The following BCL2L13 variants were observed in gnomAD, a reference collection of about 807,000 sequenced individuals.
The protein encoded by BCL2L13 is BCL2 like 13, also known as bcl-2-like protein 13.
In BCL2L13, 13 loss-of-function variants were observed where a neutral mutation model predicts 25.8. The ratio of observed to expected loss-of-function variants is 0.50; its 90% CI spans 0.33 to 0.80. The LOEUF (loss-of-function observed/expected upper bound fraction) is 0.80, where lower values mean the gene tolerates loss of function less well. Among genes scored for constraint, BCL2L13 ranks in the 30% least tolerant of loss-of-function variants. The pLI is 0.02. For synonymous variants in BCL2L13, 244 were observed against 230.3 expected, an observed-to-expected ratio of 1.06 and a Z score of -0.54; for missense variants, 504 against 574.9, an observed-to-expected ratio of 0.88 and a Z score of 1.26.
At chr22:17,680,552 C>G (rs2059718823) in intron 2 of BCL2L13, among the ~76,000 whole-genome samples, 1 of 110,006 alleles carries the variant, frequency 9.1e-6, no homozygotes, top group Non-Finnish European at 1.8e-5. Flanking sequence ...GAAAAAAAGA[C>G]TCATACCTAG....
intron 2 of BCL2L13, among the ~76,000 whole-genome samples, chr22:17,672,646 C>T (rs1350840778): frequency 6.6e-6 from 1 of 152,190 alleles, no homozygotes; most frequent in East Asian, 1.9e-4. Context: ...AAATAAATAG[C>T]CTTTGTGTCC....
At chr22:17,689,929 C>T (rs1003047443) in intron 4 of BCL2L13, among the ~76,000 whole-genome samples, 9 of 151,758 alleles carry the variant, frequency 5.9e-5, no homozygotes, top group Admixed American at 1.3e-4. Flanking sequence ...GCCAATGGAA[C>T]TGCTTCTACA....
exon 1 of BCL2L13, chr22:17,628,964 C>G (rs1465094506): frequency 4.8e-6 from 2 of 417,542 alleles, no homozygotes; most frequent in African/African-American, 4.0e-5. Flanking sequence ...AGGAGTTCCT[C>G]TATCTGAAAT....
At chr22:17,687,301 C>CT (rs1184425021) in intron 3 of BCL2L13, among the ~76,000 whole-genome samples, 1 of 151,912 alleles carries the variant, frequency 6.6e-6, no homozygotes, top group African/African-American at 2.4e-5. Flanking sequence ...GTTATGACTG[C>CT]TTTTTCTGGA....
intron 1 of BCL2L13, among the ~76,000 whole-genome samples, chr22:17,643,777 C>G (rs1015679522): frequency 7.3e-5 from 11 of 151,344 alleles, no homozygotes; most frequent in African/African-American, 2.4e-4. Flanking sequence ...CCATGCCCGG[C>G]TAATTTTTTG....
intron 6 of BCL2L13, among the ~76,000 whole-genome samples, chr22:17,723,842 A>G (rs947882562): frequency 6.6e-6 from 1 of 151,976 alleles, no homozygotes; most frequent in Non-Finnish European, 1.5e-5. Context: ...CTGAGGCAGG[A>G]GAATCACTTG....
intron 1 of BCL2L13, among the ~76,000 whole-genome samples, chr22:17,639,812 G>T (rs971881233): frequency 6.6e-6 from 1 of 151,694 alleles, no homozygotes; most frequent in Non-Finnish European, 1.5e-5. Flanking sequence ...GCCCTGACTA[G>T]TGTGACCTTG....
intron 2 of BCL2L13, among the ~76,000 whole-genome samples, chr22:17,675,914 A>G (rs1214158162): frequency 1.3e-5 from 2 of 152,250 alleles, no homozygotes; most frequent in Non-Finnish European, 2.9e-5. Flanking sequence ...ATTACATGGC[A>G]TTATCTAAAC....
At chr22:17,668,316 C>CT (rs2059302388) in intron 2 of BCL2L13, among the ~76,000 whole-genome samples, 2 of 150,868 alleles carry the variant, frequency 1.3e-5, no homozygotes, top group South Asian at 4.2e-4. Context: ...CCCTACCTGT[C>CT]TTAACGTTTT....
chr22:17,651,703 T>C (rs1248271040), intron 1 of BCL2L13, among the ~76,000 whole-genome samples: 1 of 151,148 alleles, frequency 6.6e-6, no homozygotes, highest in Non-Finnish European at 1.5e-5. Flanking sequence ...TTAAAGACTT[T>C]TTTTTGAGAC....
intron 6 of BCL2L13, among the ~76,000 whole-genome samples, chr22:17,714,306 G>C (rs768651692): frequency 6.6e-6 from 1 of 151,938 alleles, no homozygotes; most frequent in East Asian, 1.9e-4. Flanking sequence ...AAAAAAATTA[G>C]CCAGGTGTGA....
intron 1 of BCL2L13, among the ~76,000 whole-genome samples, chr22:17,630,586 CT>C (rs34181282): frequency 1.6e-5 from 2 of 126,254 alleles, no homozygotes; most frequent in African/African-American, 7.1e-5. Context: ...CCTTCTTTTT[CT>C]TTTCTTTTTT....
upstream of BCL2L13, among the ~76,000 whole-genome samples, chr22:17,637,590 CAGGT>C (rs1214625229): frequency 6.6e-6 from 1 of 151,872 alleles, no homozygotes; most frequent in African/African-American, 2.4e-5. Flanking sequence ...GTTGGCCAGG[CAGGT>C]CTGAAACTCC....
At chr22:17,650,336 C>T (rs1209083239) in intron 1 of BCL2L13, among the ~76,000 whole-genome samples, 1 of 152,160 alleles carries the variant, frequency 6.6e-6, no homozygotes, top group Non-Finnish European at 1.5e-5. Context: ...TCCAGCTTCT[C>T]ATCTTTTGAC....
At position 17,646,104 on chromosome 22, in the gene BCL2L13, G is replaced by A. The variant is rs137928108; in HGVS notation, c.-51+7218G>A. Among the ~76,000 whole-genome samples, 615 of 151,512 alleles carry A rather than the reference G, an allele frequency of 4.1e-3. 28 individuals carry two copies. The highest frequency in any genetic ancestry group is 0.015 in the African/African-American group (597 of 40,856). On this transcript the variant is annotated intron_variant, in intron 1 of 6. Coordinates refer to ENST00000317582, the MANE Select transcript of BCL2L13 (RefSeq NM_015367.4). Reference sequence around the variant, plus strand: ...GATTTTGGTATCCACAGGTATCCTGGAACCAATCCCACATGGGTACCAAGG... The same window carrying A: ...GATTTTGGTATCCACAGGTATCCTGAAACCAATCCCACATGGGTACCAAGG...
intron 2 of BCL2L13, among the ~76,000 whole-genome samples, chr22:17,659,658 C>CA (rs2059004983): frequency 7.1e-6 from 1 of 141,116 alleles, no homozygotes; most frequent in Non-Finnish European, 1.6e-5. Context: ...GAGACTCCGT[C>CA]AAAAAACAAA....
chr22:17,713,334 A>G (rs921143391), intron 6 of BCL2L13, among the ~76,000 whole-genome samples: 2 of 152,220 alleles, frequency 1.3e-5, no homozygotes, highest in African/African-American at 4.8e-5. Context: ...TAGTTGCTCA[A>G]ACTAAACAAA....
intron 1 of BCL2L13, among the ~76,000 whole-genome samples, chr22:17,645,256 G>T (rs1166851240): frequency 7.9e-6 from 1 of 127,134 alleles, no homozygotes. Flanking sequence ...TGGAGGCAGA[G>T]TCTCACTCTG....
chr22:17,708,790 T>A (rs980425873), intron 6 of BCL2L13, among the ~76,000 whole-genome samples: 1 of 152,206 alleles, frequency 6.6e-6, no homozygotes, highest in African/African-American at 2.4e-5. Context: ...AACACAAATA[T>A]TTTGTATTAA....
Sources: allele counts gnomAD v4.1 joint callset (sites outside exome capture counted in the v4.1 genomes callset), GRCh38; gene constraint gnomAD v4.1.1; transcripts MANE v1.5; gene names NCBI Gene and HGNC (gene_info 2026-07-23, HGNC 2026-07-21).